The following ARHGEF10L variants were observed in gnomAD, a reference collection of about 807,000 sequenced individuals.
The protein encoded by ARHGEF10L is rho guanine nucleotide exchange factor 10-like protein.
A neutral mutation model predicts 141.2 loss-of-function variants in ARHGEF10L; 69 were observed. The observed-to-expected ratio is 0.49, with a 90% CI of 0.40 to 0.60. The LOEUF is 0.60. Ranked by LOEUF, ARHGEF10L falls within the 20% of genes least tolerant of loss-of-function variation. The pLI is 0.00. For missense variants in ARHGEF10L, 1,482 were observed against 1,734.3 expected (o/e 0.85, Z 2.58); for synonymous variants, 711 against 718.5 (o/e 0.99, Z 0.17).
At chr1:17,691,513 G>A (rs904262923) in intron 27 of ARHGEF10L, among the ~76,000 whole-genome samples, 2 of 152,070 alleles carry the variant, frequency 1.3e-5, no homozygotes, top group Non-Finnish European at 2.9e-5. Context: ...GAGGCTTGTG[G>A]AATGAAAAAT....
chr1:17,670,521 TAAA>T (rs1267254516), intron 26 of ARHGEF10L, among the ~76,000 whole-genome samples: 1 of 152,190 alleles, frequency 6.6e-6, no homozygotes, highest in East Asian at 1.9e-4. Flanking sequence ...CATCTTAATT[TAAA>T]AAAACTTATT....
intron 26 of ARHGEF10L, among the ~76,000 whole-genome samples, chr1:17,669,333 C>A (rs1290525261): frequency 6.6e-6 from 1 of 152,178 alleles, no homozygotes; most frequent in Admixed American, 6.5e-5. Context: ...CTCCTCCCAC[C>A]CTCGGGAAGT....
intron 9 of ARHGEF10L, chr1:17,618,186 AGGCCAGCTGGCTGG>A: frequency 1.3e-6 from 1 of 749,204 alleles, no homozygotes; most frequent in Non-Finnish European, 2.1e-6. Flanking sequence ...TAACGTGGCC[AGGCCAGCTGGCTGG>A]GAACTCTTCC....
chr1:17,620,068 T>C (rs187018136), intron 10 of ARHGEF10L, among the ~76,000 whole-genome samples: 1 of 152,146 alleles, frequency 6.6e-6, no homozygotes, highest in African/African-American at 2.4e-5. Flanking sequence ...ATGTGCATGG[T>C]GGTACACGCT....
At chr1:17,567,070 C>T (rs1299945674) in intron 1 of ARHGEF10L, among the ~76,000 whole-genome samples, 2 of 152,182 alleles carry the variant, frequency 1.3e-5, no homozygotes, top group Non-Finnish European at 2.9e-5. Context: ...TCCCCGTGTC[C>T]CTGTCCTCTG....
intron 26 of ARHGEF10L, among the ~76,000 whole-genome samples, chr1:17,665,701 C>T (rs767345058): frequency 6.6e-6 from 1 of 152,186 alleles, no homozygotes; most frequent in Non-Finnish European, 1.5e-5. Flanking sequence ...CTTACTGTAT[C>T]AGTCAGGGTT....
chr1:17,618,261 C>A, intron 9 of ARHGEF10L: 6 of 1,344,990 alleles, frequency 4.5e-6, no homozygotes, highest in East Asian at 3.1e-5. Flanking sequence ...CAGCCCTCCC[C>A]ACCCCGCCCA....
chr1:17,588,243 G>A (rs533505250), intron 3 of ARHGEF10L, among the ~76,000 whole-genome samples: 17 of 151,600 alleles, frequency 1.1e-4, no homozygotes, highest in South Asian at 2.1e-4. Flanking sequence ...GGGCCACGGG[G>A]TGGGTGGGGG....
chr1:17,624,982 T>C (rs748580941), intron 13 of ARHGEF10L, among the ~76,000 whole-genome samples: 7 of 152,210 alleles, frequency 4.6e-5, no homozygotes, highest in Non-Finnish European at 7.3e-5. Context: ...GCTGATTTCT[T>C]TGGGAGTGTA....
At position 17,687,826 on chromosome 1, in the gene ARHGEF10L, C is replaced by T. The variant is rs1365595300; in HGVS notation, c.3184+79C>T. ...CCAGGTAGTGGTGTGACCTGGGCAGCCCATCCCATTTTCCCTCATCAGCCC... is the reference window on the plus strand; with the variant it reads ...CCAGGTAGTGGTGTGACCTGGGCAGTCCATCCCATTTTCCCTCATCAGCCC... On this transcript the variant is annotated intron_variant, in intron 27 of 28. Coordinates refer to ENST00000361221, the MANE Select transcript of ARHGEF10L (RefSeq NM_018125.4). 1.5e-5 allele frequency: 22 copies of T among 1,423,264 alleles called. No individual in the cohort carries two copies. In the East Asian group the frequency reaches 5.2e-4, roughly 34 times the overall value. The allele number at this position is 1,423,264 out of a possible 1,614,324, so 88.2% of individuals were successfully genotyped here.
chr1:17,617,969 T>C (rs748357712), intron 9 of ARHGEF10L, among the ~76,000 whole-genome samples: 2 of 152,126 alleles, frequency 1.3e-5, no homozygotes, highest in Non-Finnish European at 2.9e-5. Flanking sequence ...AGACCATAAA[T>C]GGGTTTTCAT....
At chr1:17,606,708 G>A (rs2081212272) in intron 6 of ARHGEF10L, among the ~76,000 whole-genome samples, 1 of 151,744 alleles carries the variant, frequency 6.6e-6, no homozygotes, top group African/African-American at 2.4e-5. Flanking sequence ...TTTGGCGTCT[G>A]ACCCCAGTTT....
intron 1 of ARHGEF10L, among the ~76,000 whole-genome samples, chr1:17,563,292 T>G (rs929042886): frequency 4.0e-5 from 6 of 151,642 alleles, no homozygotes; most frequent in Non-Finnish European, 8.8e-5. Context: ...TGGAGCGCAG[T>G]GGCGCCATCT....
At chr1:17,516,706 T>C in the ARHGEF10L span, among the ~76,000 whole-genome samples, 1 of 151,864 alleles carries the variant, frequency 6.6e-6, no homozygotes, top group South Asian at 2.1e-4. Flanking sequence ...GGCTAGGGGG[T>C]GGGAGGGGGC....
At chr1:17,592,421 C>T (rs766851234) in intron 4 of ARHGEF10L, among the ~76,000 whole-genome samples, 51 of 152,146 alleles carry the variant, frequency 3.4e-4, no homozygotes, top group South Asian at 8.3e-4. Context: ...GTTGTACTGC[C>T]TGTTGGCTAG....
chr1:17,657,517 G>T (rs371538919), intron 25 of ARHGEF10L, among the ~76,000 whole-genome samples: 1 of 152,144 alleles, frequency 6.6e-6, no homozygotes, highest in Admixed American at 6.5e-5. Flanking sequence ...GGCCCGCAGC[G>T]TCTCTTCTCC....
At chr1:17,662,414 C>T (rs922002565) in intron 25 of ARHGEF10L, among the ~76,000 whole-genome samples, 3 of 152,154 alleles carry the variant, frequency 2.0e-5, no homozygotes, top group Non-Finnish European at 4.4e-5. Flanking sequence ...TCCAGAGAGG[C>T]GAAGCCCCCG....
chr1:17,695,777 C>T (rs2065450263), intron 28 of ARHGEF10L, among the ~76,000 whole-genome samples: 1 of 79,602 alleles, frequency 1.3e-5, no homozygotes, highest in Admixed American at 1.6e-4. Flanking sequence ...ATGCCTGGAG[C>T]TCCGGGTCCC....
At chr1:17,585,584 T>A (rs2078960139) in intron 2 of ARHGEF10L, among the ~76,000 whole-genome samples, 1 of 152,208 alleles carries the variant, frequency 6.6e-6, no homozygotes, top group Admixed American at 6.5e-5. Flanking sequence ...CTTCTCATTC[T>A]GGGGAGGGAG....
Sources: allele counts gnomAD v4.1 joint callset (sites outside exome capture counted in the v4.1 genomes callset), GRCh38; gene constraint gnomAD v4.1.1; transcripts MANE v1.5; gene names NCBI Gene and HGNC (gene_info 2026-07-23, HGNC 2026-07-21).